The following TRANK1 variants were observed in gnomAD, a reference collection of about 807,000 sequenced individuals.
TRANK1 encodes the protein TPR and ankyrin repeat-containing protein 1.
A neutral mutation model predicts 266.0 loss-of-function variants in TRANK1; 198 were observed. The ratio of observed to expected loss-of-function variants is 0.74; its 90% confidence interval spans 0.66 to 0.84. TRANK1 has a LOEUF of 0.84. Ranked by LOEUF, TRANK1 falls within the 40% of genes least tolerant of loss-of-function variation. The pLI, the probability that TRANK1 is intolerant of heterozygous loss-of-function variation, is 0.00. For synonymous variants in TRANK1, 1,396 were observed against 1,384.1 expected (o/e 1.01, Z -0.19); for missense variants, 3,326 against 3,634.6 (o/e 0.92, Z 2.18).
chr3:36,936,961 G>T lies in TRANK1; in HGVS notation c.23+7826C>A, dbSNP rs114599124. 6.5e-3 allele frequency among the ~76,000 whole-genome samples: 989 copies of T among 152,268 alleles called. 14 individuals carry two copies. The highest frequency in any genetic ancestry group is 0.023 in the African/African-American group (937 of 41,548). ...TACTAAAAATACAAAAATTAGCCAGGCATGGGCACATGTCTGTAATCACAG... is the reference window on the plus strand; with the variant it reads ...TACTAAAAATACAAAAATTAGCCAGTCATGGGCACATGTCTGTAATCACAG... On this transcript the variant is annotated intron_variant, in intron 1 of 23. Coordinates refer to ENST00000645898, the MANE Select transcript of TRANK1 (RefSeq NM_001329998.2).
intron 1 of TRANK1, among the ~76,000 whole-genome samples, chr3:36,941,355 C>A (rs887299066): frequency 6.6e-6 from 1 of 152,174 alleles, no homozygotes; most frequent in Non-Finnish European, 1.5e-5. Flanking sequence ...GTCCCACCAG[C>A]CCACCAGGCT....
In TRANK1 at chr3:36,855,225, G is replaced by C. The variant is rs758731165; in HGVS notation, c.4497C>G (p.Val1499=). The change falls in exon 13 of 24, where the codon GTC becomes GTG. Residue 1499 remains valine, a synonymous_variant. Transcript: ENST00000645898. ...SRNTIDKQCA[V]RKPKKIHQLY... ...GCTGGTGGATCTTCTTGGGCTTCCGGACAGCACACTGCTTGTCTATGGTGT... is the reference window on the plus strand; with the variant it reads ...GCTGGTGGATCTTCTTGGGCTTCCGCACAGCACACTGCTTGTCTATGGTGT... 1 of 1,614,034 alleles carries C rather than the reference G, an allele frequency of 6.2e-7. No homozygotes were observed. The highest frequency in any genetic ancestry group is 8.5e-7 in the Non-Finnish European group (1 of 1,179,880).
chr3:36,834,036 T>C, intron 21 of TRANK1, 117 bp from the exon 22 acceptor site: 1 of 1,037,410 alleles, frequency 9.6e-7, no homozygotes, highest in Middle Eastern at 2.1e-4. Flanking sequence ...TATTACAAAA[T>C]AAAACCTAAA....
At chr3:36,909,407 A>G (rs1461690080) in intron 1 of TRANK1, among the ~76,000 whole-genome samples, 1 of 152,192 alleles carries the variant, frequency 6.6e-6, no homozygotes, top group East Asian at 1.9e-4. Context: ...GCAGGAGAGG[A>G]GAGCACCCAG....
rs1553626401 is a variant in TRANK1 at position 36,892,863 on chromosome 3, A to ATATC, written c.636+37_636+38insGATA. The ATATC allele has an allele frequency of 9.9e-6, 6 of 606,452 alleles. No homozygotes were observed. In the Admixed American group the frequency reaches 1.5e-4, roughly 15 times the overall value. The allele number at this position is 606,452 out of a possible 1,614,324, so 37.6% of individuals were successfully genotyped here. A position where few individuals can be genotyped will look rare whatever the true frequency, so the allele number is the denominator to read the frequency against. Reference sequence around the variant, plus strand: ...AAAACAAAACAAAACATATATATATATATATATAGATATATATAGATATAT... The same window carrying ATATC: ...AAAACAAAACAAAACATATATATATATATCTATATATAGATATATATAGATATAT... On this transcript the variant is annotated intron_variant, in intron 6 of 23. Coordinates refer to ENST00000645898, the MANE Select transcript of TRANK1 (RefSeq NM_001329998.2).
chr3:36,894,732 A>G (rs572832950), intron 5 of TRANK1, among the ~76,000 whole-genome samples: 8 of 152,350 alleles, frequency 5.3e-5, no homozygotes, highest in Admixed American at 3.3e-4. Flanking sequence ...TCTCTATTCT[A>G]AAGTCATCCA....
At chr3:36,858,693 G>A (rs777148344) in intron 12 of TRANK1, 25 bp downstream of exon 12, 20 of 1,471,442 alleles carry the variant, frequency 1.4e-5, no homozygotes, top group African/African-American at 2.8e-5. Context: ...TCAAGGAGAC[G>A]GCTGCTTAAA....
At chr3:36,874,391 C>A in intron 8 of TRANK1, 95 bp from the exon 9 acceptor site, 2 of 1,383,054 alleles carry the variant, frequency 1.4e-6, no homozygotes. Context: ...TCCCAAGCAG[C>A]CCAGGGCAAG....
intron 8 of TRANK1, among the ~76,000 whole-genome samples, chr3:36,887,647 G>A (rs115373477): frequency 0.011 from 1,604 of 152,232 alleles, 36 homozygotes; most frequent in African/African-American, 0.035. Flanking sequence ...CATCGTTAGC[G>A]TTACTGTATT....
chr3:36,844,291 A>G (rs1431716955), intron 17 of TRANK1, among the ~76,000 whole-genome samples: 2 of 152,128 alleles, frequency 1.3e-5, no homozygotes, highest in African/African-American at 4.8e-5. Flanking sequence ...CAGTGGCACA[A>G]TCTTGGGTTA....
chr3:36,898,532 A>T (rs528842740), intron 4 of TRANK1, among the ~76,000 whole-genome samples: 5 of 152,290 alleles, frequency 3.3e-5, no homozygotes, highest in African/African-American at 1.2e-4. Flanking sequence ...GGAAACCCCT[A>T]TGAATAGCAA....
intron 1 of TRANK1, among the ~76,000 whole-genome samples, chr3:36,918,502 A>G (rs796802520): frequency 8.4e-4 from 23 of 27,500 alleles, no homozygotes; most frequent in Non-Finnish European, 1.2e-3. Flanking sequence ...AAAGAAAGAA[A>G]GAAAGAAAGA....
chr3:36,847,443 G>A (rs2078930921), intron 15 of TRANK1, 97 bp from the exon 16 acceptor site: 1 of 1,367,454 alleles, frequency 7.3e-7, no homozygotes, highest in African/African-American at 1.4e-5. Flanking sequence ...CTCATCGGGG[G>A]ACCAGGCCTT....
At chr3:36,875,637 T>C (rs1343056382) in intron 8 of TRANK1, among the ~76,000 whole-genome samples, 2 of 152,226 alleles carry the variant, frequency 1.3e-5, no homozygotes, top group Admixed American at 6.5e-5. Context: ...ATAACTATAG[T>C]ATACTGCCCC....
intron 9 of TRANK1, among the ~76,000 whole-genome samples, chr3:36,870,962 T>TAA (rs563787088): frequency 4.9e-4 from 32 of 65,096 alleles, no homozygotes; most frequent in Admixed American, 1.5e-3. Context: ...ACAAGGAAAC[T>TAA]AAAAAAAAAA....
At chr3:36,866,221 C>T (rs544618974) in intron 9 of TRANK1, among the ~76,000 whole-genome samples, 10 of 152,226 alleles carry the variant, frequency 6.6e-5, no homozygotes, top group Admixed American at 6.5e-4. Context: ...GAGAGCAGAA[C>T]TGGACATTTA....
At chr3:36,830,714 G>A (rs1474660518) in intron 22 of TRANK1, among the ~76,000 whole-genome samples, 159 bp downstream of exon 22, 5 of 152,106 alleles carry the variant, frequency 3.3e-5, no homozygotes, top group African/African-American at 9.7e-5. Flanking sequence ...AATGAGGTTC[G>A]CTATAACTTG....
intron 18 of TRANK1, 92 bp from the exon 19 acceptor site, chr3:36,838,808 A>G: frequency 7.8e-7 from 1 of 1,281,646 alleles, no homozygotes; most frequent in Non-Finnish European, 1.1e-6. Context: ...TTGTACTGAC[A>G]AAACATGAAG....
In TRANK1 at chr3:36,855,467, G is replaced by A. The variant is rs760928286; in HGVS notation, c.4255C>T (p.Arg1419Trp). The change falls in exon 13 of 24, where the codon CGG (arginine) becomes TGG (tryptophan). Residue 1419 changes from arginine to tryptophan, a missense_variant. Arg to Trp is a moderately radical substitution (Grantham distance 101, BLOSUM62 -3). Coordinates refer to ENST00000645898, the MANE Select transcript of TRANK1 (RefSeq NM_001329998.2). ...DEEDVLYNIS[R>W]RLSKLRVLPW... The stretch of plus-strand genomic sequence containing the variant: ...AGCACCCTGAGCTTCGACAGCCTCC[G>A]GGATATGTTGTACAGAACATCCTCT... The A allele has an allele frequency of 1.9e-5, 30 of 1,613,802 alleles. No individual in the cohort carries two copies. The highest frequency in any genetic ancestry group is 5.5e-5 in the South Asian group (5 of 91,080).
Sources: allele counts gnomAD v4.1 joint callset (sites outside exome capture counted in the v4.1 genomes callset), GRCh38; gene constraint gnomAD v4.1.1; transcripts MANE v1.5; gene names NCBI Gene and HGNC (gene_info 2026-07-23, HGNC 2026-07-21).